The following NRXN1 variants were observed in gnomAD, a reference collection of about 807,000 sequenced individuals.
NRXN1 encodes neurexin-1.
In NRXN1, 39 loss-of-function variants were observed where a neutral mutation model predicts 150.9. The ratio of observed to expected loss-of-function variants is 0.26; its 90% CI spans 0.20 to 0.34. NRXN1 has a LOEUF of 0.34. Ranked by LOEUF, NRXN1 falls within the 10% of genes least tolerant of loss-of-function variation. The pLI is 1.00. For synonymous variants in NRXN1, 924 were observed against 757.0 expected (o/e 1.22, Z -3.62); for missense variants, 1,815 against 1,949.9 (o/e 0.93, Z 1.30).
chr2:50,369,846 GGGCT>G (rs2079881873), intron 17 of NRXN1, among the ~76,000 whole-genome samples: 1 of 151,990 alleles, frequency 6.6e-6, no homozygotes, highest in Non-Finnish European at 1.5e-5. Flanking sequence ...TCCCAGTGTA[GGGCT>G]GGAGGACAGT....
chr2:50,608,170 T>A (rs368879508), intron 8 of NRXN1, among the ~76,000 whole-genome samples: 1 of 152,098 alleles, frequency 6.6e-6, no homozygotes, highest in East Asian at 1.9e-4. Flanking sequence ...AAATCTGGAT[T>A]TGAGTTGCAA....
intron 19 of NRXN1, among the ~76,000 whole-genome samples, chr2:50,059,484 A>G (rs115639380): frequency 0.017 from 2,651 of 152,326 alleles, 79 homozygotes; most frequent in African/African-American, 0.06. Flanking sequence ...ACAATGCAAT[A>G]GAAAAGAAAA....
At chr2:50,897,382 C>G (rs1173746911) in intron 5 of NRXN1, among the ~76,000 whole-genome samples, 1 of 152,142 alleles carries the variant, frequency 6.6e-6, no homozygotes, top group African/African-American at 2.4e-5. Context: ...CAGGACCATT[C>G]TAAAACTTAT....
At chr2:50,879,884 T>C (rs1312317345) in intron 5 of NRXN1, among the ~76,000 whole-genome samples, 3 of 151,910 alleles carry the variant, frequency 2.0e-5, no homozygotes, top group Admixed American at 2.0e-4. Context: ...GGCATGCCCA[T>C]GGTTGAGACG....
chr2:50,379,487 T>A (rs931502674), intron 17 of NRXN1, among the ~76,000 whole-genome samples: 3 of 152,128 alleles, frequency 2.0e-5, no homozygotes, highest in Non-Finnish European at 4.4e-5. Flanking sequence ...GAGTATTGAC[T>A]GCTAGGCAGA....
At chr2:50,798,569 A>T (rs1707158727) in intron 5 of NRXN1, among the ~76,000 whole-genome samples, 1 of 152,194 alleles carries the variant, frequency 6.6e-6, no homozygotes, top group Admixed American at 6.6e-5. Flanking sequence ...AGAAAATAAG[A>T]AAGCTTTAGG....
intron 21 of NRXN1, among the ~76,000 whole-genome samples, chr2:50,010,880 T>C (rs1479118531): frequency 6.6e-6 from 1 of 152,182 alleles, no homozygotes; most frequent in Non-Finnish European, 1.5e-5. Context: ...TATAAAGTTT[T>C]TAAGACTTGA....
intron 18 of NRXN1, among the ~76,000 whole-genome samples, chr2:50,160,017 T>C (rs984021719): frequency 1.3e-5 from 2 of 152,142 alleles, no homozygotes; most frequent in African/African-American, 2.4e-5. Flanking sequence ...AAATATGATA[T>C]GTGAGGAAGT....
chr2:50,100,666 T>C (rs994454817), intron 18 of NRXN1, among the ~76,000 whole-genome samples: 2 of 152,010 alleles, frequency 1.3e-5, no homozygotes, highest in African/African-American at 4.8e-5. Flanking sequence ...CCCTTCCAAA[T>C]AGCATACGTT....
intron 17 of NRXN1, among the ~76,000 whole-genome samples, chr2:50,456,395 C>G (rs908198924): frequency 2.6e-5 from 4 of 152,038 alleles, no homozygotes; most frequent in African/African-American, 9.7e-5. Context: ...AACATATCAC[C>G]TTTGTGCTTT....
At chr2:50,448,139 G>A (rs2086625833) in intron 17 of NRXN1, among the ~76,000 whole-genome samples, 1 of 151,934 alleles carries the variant, frequency 6.6e-6, no homozygotes, top group Non-Finnish European at 1.5e-5. Context: ...TAGAATGAAT[G>A]TTCACTTTTA....
intron 2 of NRXN1, among the ~76,000 whole-genome samples, chr2:51,001,151 T>C (rs1031799690): frequency 7.2e-6 from 1 of 139,082 alleles, no homozygotes; most frequent in African/African-American, 2.7e-5. Context: ...ATGCTTTGTG[T>C]AGTAAACACA....
At chr2:50,429,843 T>A (rs1280049793) in intron 17 of NRXN1, among the ~76,000 whole-genome samples, 1 of 152,116 alleles carries the variant, frequency 6.6e-6, no homozygotes, top group East Asian at 1.9e-4. Context: ...AGAAGCACGG[T>A]GATCAGATGA....
intron 17 of NRXN1, among the ~76,000 whole-genome samples, chr2:50,297,795 T>C (rs1226566399): frequency 6.6e-6 from 1 of 152,174 alleles, no homozygotes; most frequent in East Asian, 1.9e-4. Flanking sequence ...GAGATGTAAC[T>C]TTTTTCTTAG....
intron 19 of NRXN1, among the ~76,000 whole-genome samples, chr2:50,057,992 C>T (rs563906863): frequency 7.4e-4 from 112 of 152,038 alleles, no homozygotes; most frequent in Middle Eastern, 3.4e-3. Context: ...AAGGTCTAAA[C>T]AAGACAGGTA....
chr2:50,953,028 G>T (rs1405147208), intron 2 of NRXN1, among the ~76,000 whole-genome samples: 3 of 152,174 alleles, frequency 2.0e-5, no homozygotes, highest in Non-Finnish European at 4.4e-5. Flanking sequence ...TACTAAGAGA[G>T]AGGAACACTG....
At chr2:50,190,036 C>G (rs946370998) in intron 18 of NRXN1, among the ~76,000 whole-genome samples, 1 of 152,064 alleles carries the variant, frequency 6.6e-6, no homozygotes, top group Non-Finnish European at 1.5e-5. Context: ...AGTTCTAATA[C>G]TATGTCATTG....
chr2:50,882,374 G>T (rs1679575709), intron 5 of NRXN1, among the ~76,000 whole-genome samples: 1 of 151,636 alleles, frequency 6.6e-6, no homozygotes, highest in Admixed American at 6.6e-5. Flanking sequence ...CTATTTTTCA[G>T]GTATTTTCCA....
At chr2:50,090,105 T>A (rs920511679) in intron 19 of NRXN1, among the ~76,000 whole-genome samples, 10 of 152,232 alleles carry the variant, frequency 6.6e-5, no homozygotes, top group Non-Finnish European at 1.3e-4. Flanking sequence ...GCAGTTTTTT[T>A]ATTACATTTA....
Sources: gnomAD v4.1 joint callset for allele counts (sites outside exome capture counted in the v4.1 genomes callset) on GRCh38, gnomAD v4.1.1 for gene constraint, MANE v1.5 for transcripts, NCBI Gene and HGNC (gene_info 2026-07-23, HGNC 2026-07-21) for gene names.